ATP12A: variants seen among roughly 807,000 people sequenced by gnomAD.
ATP12A encodes the protein potassium-transporting ATPase alpha chain 2.
A neutral mutation model predicts 111.2 loss-of-function variants in ATP12A; 81 were observed. That is an observed-to-expected ratio of 0.73 (90% CI 0.61 to 0.88). ATP12A has a LOEUF of 0.88. Ranked by LOEUF, ATP12A falls within the 40% of genes least tolerant of loss-of-function variation. ATP12A has a pLI of 0.00. For synonymous variants in ATP12A, 498 were observed against 499.8 expected (o/e 1.00, Z 0.05); for missense variants, 1,196 against 1,313.1 (o/e 0.91, Z 1.38).
At chr13:24,682,781 T>C (rs1247441949) in intron 2 of ATP12A, among the ~76,000 whole-genome samples, 1 of 152,134 alleles carries the variant, frequency 6.6e-6, no homozygotes, top group East Asian at 1.9e-4. Context: ...GAGCTGAAAC[T>C]GGCAACAAAT....
At chr13:24,686,709 A>C (rs1376839539) in intron 3 of ATP12A, among the ~76,000 whole-genome samples, 1 of 152,180 alleles carries the variant, frequency 6.6e-6, no homozygotes, top group African/African-American at 2.4e-5. Flanking sequence ...ACTGCCCTCC[A>C]GCCTGGGCGA....
In ATP12A at chr13:24,711,659, G is replaced by A; in HGVS notation, c.*137G>A. On this transcript the variant is annotated 3_prime_UTR_variant, in exon 23 of 23. Coordinates refer to ENST00000381946, the MANE Select transcript of ATP12A (RefSeq NM_001676.7). ...AGAGGAAATTTTCATGCAGAAAGCT[G>A]TATGCAGGATGCTCACTGATGTTTT... 2 of 1,205,420 alleles carry A rather than the reference G, an allele frequency of 1.7e-6. No homozygotes were observed. Among genetic ancestry groups the A allele is most frequent in the African/African-American group, 1.5e-5 (1 of 66,216 alleles). The allele number at this position is 1,205,420 out of a possible 1,614,324, so 74.7% of individuals were successfully genotyped here. A position where few individuals can be genotyped will look rare whatever the true frequency, so the allele number is the denominator to read the frequency against.
At chr13:24,702,154 C>A in intron 14 of ATP12A, 83 bp downstream of exon 14, 1 of 1,547,256 alleles carries the variant, frequency 6.5e-7, no homozygotes, top group South Asian at 1.1e-5. Flanking sequence ...CTACTTGGAA[C>A]AAATCAGCTT....
Position 24,696,743 on chromosome 13 carries a change from A to AG in ATP12A, c.1513-1915_1513-1914insG, listed in dbSNP as rs1287932767. Among the ~76,000 whole-genome samples, 677 of 99,360 alleles carry AG rather than the reference A, an allele frequency of 6.8e-3. 135 individuals carry two copies. Among genetic ancestry groups the AG allele is most frequent in the Non-Finnish European group, 0.01 (527 of 50,236 alleles). 65.2% of individuals were successfully genotyped at this position (99,360 alleles called of 152,430 possible). On this transcript the variant is annotated intron_variant, in intron 11 of 22. Transcript: ENST00000381946. Reference sequence around the variant, plus strand: ...CAAAAAAAAAAAAAAAAAAAAAAAAAAAAGAAAGGGGAGAGGGGCTGTGTG... The same window carrying AG: ...CAAAAAAAAAAAAAAAAAAAAAAAAAGAAAGAAAGGGGAGAGGGGCTGTGTG...
intron 15 of ATP12A, among the ~76,000 whole-genome samples, 174 bp from the exon 16 acceptor site, chr13:24,706,849 C>G (rs1163422784): frequency 6.6e-6 from 1 of 152,208 alleles, no homozygotes; most frequent in Non-Finnish European, 1.5e-5. Flanking sequence ...TTTGGAGACC[C>G]TTGTTCCTGC....
chr13:24,680,562 G>C lies in ATP12A; in HGVS notation c.-182G>C. 1 of 594,804 alleles carries C rather than the reference G, an allele frequency of 1.7e-6. No individual in the cohort carries two copies. Among genetic ancestry groups the C allele is most frequent in the South Asian group, 2.6e-5 (1 of 38,578 alleles). The allele number at this position is 594,804 out of a possible 1,614,324, so 36.8% of individuals were successfully genotyped here. ...TTAAGGCTGGTGCCACCTCCCCGGT[G>C]CAGCGGCTGGCGATCGGCCGCGGAG... On this transcript the variant is annotated 5_prime_UTR_variant, in exon 1 of 23. Coordinates refer to ENST00000381946, the MANE Select transcript of ATP12A (RefSeq NM_001676.7).
intron 17 of ATP12A, 85 bp from the exon 18 acceptor site, chr13:24,709,279 G>GCCCCCCCCCCCCCC: frequency 1.2e-4 from 26 of 211,216 alleles, no homozygotes; most frequent in South Asian, 7.2e-4. Context: ...TCCAGCCAGT[G>GCCCCCCCCCCCCCC]CCCCACCCAC....
chr13:24,711,342 G>T lies in ATP12A; in HGVS notation c.3024G>T (p.Val1008=), dbSNP rs962245641. 1.2e-6 allele frequency: 2 copies of T among 1,605,448 alleles called. No individual in the cohort carries two copies. The highest frequency in any genetic ancestry group is 2.7e-5 in the African/African-American group (2 of 74,824). Residue 1008 remains valine (V), a synonymous_variant, in exon 22 of 23, where the codon GTG becomes GTT. Coordinates refer to ENST00000381946, the MANE Select transcript of ATP12A (RefSeq NM_001676.7). ...MLRAQYWFVA[V]PHAILIWVYD... ...GGGCTCAGTACTGGTTTGTGGCTGT[G>T]CCGCACGCCATCCTGATCTGGGTGT...
Position 24,709,808 on chromosome 13 carries a change from G to C in ATP12A, c.2743G>C (p.Asp915His). The C allele has an allele frequency of 6.2e-7, 1 of 1,614,242 alleles. No individual in the cohort carries two copies. The highest frequency in any genetic ancestry group is 8.5e-7 in the Non-Finnish European group (1 of 1,180,040). The part of the protein sequence containing the change: ...WEKDYVNDLK[D>H]SYGQEWTRYQ... ...GAAGGACTACGTGAATGACTTGAAA[G>C]ACAGCTATGGGCAGGAATGGGTGAG... The change falls in exon 19 of 23, where the codon GAC (aspartate) becomes CAC (histidine). Residue 915 changes from aspartate to histidine, a missense_variant. Physicochemically the swap from Asp to His is moderately conservative, Grantham distance 81. This residue lies in a region of ATP12A where 1,126 missense variants were observed against 1,228.5 expected (regional missense o/e 0.92). Coordinates refer to ENST00000381946, the MANE Select transcript of ATP12A (RefSeq NM_001676.7).
chr13:24,711,188 G>A (rs1200622825), intron 21 of ATP12A, 130 bp from the exon 22 acceptor site: 1 of 879,236 alleles, frequency 1.1e-6, no homozygotes, highest in African/African-American at 1.7e-5. Flanking sequence ...TTTATTTTGT[G>A]GGACCTCGTG....
At position 24,681,644 on chromosome 13, in the gene ATP12A, A is replaced by G. The variant is rs1874438333; in HGVS notation, c.92A>G (p.Tyr31Cys). Reference protein sequence around the residue: ...KTDKGDGKEKYRGLKNNCLEL... With the variant: ...KTDKGDGKEKCRGLKNNCLEL... The stretch of plus-strand genomic sequence containing the variant: ...GACAAGGGGGATGGCAAGGAGAAGT[A>G]TAGGGGTCTGAAGAACAACTGCCTG... Residue 31 changes from tyrosine to cysteine, a missense_variant, in exon 2 of 23, where the codon TAT becomes TGT. Around this residue, in one of 3 missense-constraint regions of ATP12A, gnomAD observed 67 missense variants for 64.0 expected, o/e 1.05. Transcript: ENST00000381946. The G allele has an allele frequency of 3.1e-6, 5 of 1,614,114 alleles. No homozygotes were observed. The African/African-American group carries it at 5.3e-5, about 17-fold the overall frequency.
chr13:24,709,279 G>GCCCCCCCC, intron 17 of ATP12A, 85 bp from the exon 18 acceptor site: 1 of 211,220 alleles, frequency 4.7e-6, no homozygotes, highest in Non-Finnish European at 9.1e-6. Context: ...TCCAGCCAGT[G>GCCCCCCCC]CCCCACCCAC....
At position 24,688,427 on chromosome 13, in the gene ATP12A, G is replaced by A. The variant is rs962636909; in HGVS notation, c.337G>A (p.Gly113Arg). Residue 113 changes from glycine to arginine, a missense_variant, in exon 4 of 23, where the codon GGG (glycine) becomes AGG (arginine). This residue lies in a region of ATP12A where 1,126 missense variants were observed against 1,228.5 expected (regional missense o/e 0.92). Coordinates refer to ENST00000381946, the MANE Select transcript of ATP12A (RefSeq NM_001676.7). ...EIVKFLKQMV[G>R]GFSILLWVGA... ...CGTCAAGTTCCTCAAGCAGATGGTG[G>A]GGGGGTTCTCTATCCTCCTGTGGGT... The A allele has an allele frequency of 1.2e-6, 2 of 1,613,990 alleles. No individual in the cohort carries two copies. Among genetic ancestry groups the A allele is most frequent in the Non-Finnish European group, 1.7e-6 (2 of 1,180,028 alleles).
In ATP12A at chr13:24,701,508, A is replaced by G. The variant is rs1875394056; in HGVS notation, c.1882-427A>G. ...AAGAGTGAAACTCTGTCTCAAAAAAAAAAAAAAAAAAAGAAAGAAAGAAAA... is the reference window on the plus strand; with the variant it reads ...AAGAGTGAAACTCTGTCTCAAAAAAGAAAAAAAAAAAAGAAAGAAAGAAAA... On this transcript the variant is annotated intron_variant, in intron 13 of 22. Coordinates refer to ENST00000381946, the MANE Select transcript of ATP12A (RefSeq NM_001676.7). 4.0e-5 allele frequency among the ~76,000 whole-genome samples: 6 copies of G among 151,586 alleles called. 1 individual carries two copies. In the South Asian group the frequency reaches 1.2e-3, roughly 31 times the overall value.
rs1874633769 is a variant in ATP12A at position 24,685,445 on chromosome 13, G to C, written c.228+72G>C. The C allele has an allele frequency of 3.3e-6, 5 of 1,512,294 alleles. No individual in the cohort carries two copies. The highest frequency in any genetic ancestry group is 1.4e-5 in the African/African-American group (1 of 72,884). The allele number at this position is 1,512,294 out of a possible 1,614,324, so 93.7% of individuals were successfully genotyped here. A position where few individuals can be genotyped will look rare whatever the true frequency, so the allele number is the denominator to read the frequency against. On this transcript the variant is annotated intron_variant, in intron 3 of 22. Transcript: ENST00000381946. The surrounding 1 kb of genome is among the most constrained non-coding windows in gnomAD (Gnocchi z 5.5). The stretch of plus-strand genomic sequence containing the variant: ...ACAGAGGGAAGGCTGTGTGTGGCGG[G>C]GGGCTGTGTGGAAGAGTAGCGGCAC...
intron 8 of ATP12A, among the ~76,000 whole-genome samples, chr13:24,691,865 GAGA>G (rs966993685): frequency 2.0e-5 from 3 of 152,346 alleles, no homozygotes; most frequent in South Asian, 4.1e-4. Flanking sequence ...CCAAAGAAAA[GAGA>G]AGAAGTTTTT....
chr13:24,690,617 C>T lies in ATP12A; in HGVS notation c.695C>T (p.Ser232Phe). The change falls in exon 7 of 23, where the codon TCT becomes TTT. Residue 232 changes from serine to phenylalanine, a missense_variant. Around this residue, in one of 3 missense-constraint regions of ATP12A, gnomAD observed 1,126 missense variants for 1,228.5 expected, o/e 0.92. Coordinates refer to ENST00000381946, the MANE Select transcript of ATP12A (RefSeq NM_001676.7). ...CATTTCTTCTAGGTGGATAACTCAT[C>T]TCTCACGGGGGAGTCTGAGCCCCAG... ...SSQGCRVDNS[S>F]LTGESEPQPR... 3 of 1,611,752 alleles carry T rather than the reference C, an allele frequency of 1.9e-6. No individual in the cohort carries two copies. The highest frequency in any genetic ancestry group is 2.5e-6 in the Non-Finnish European group (3 of 1,179,038).
Position 24,691,057 on chromosome 13 carries a change from T to C in ATP12A, c.875T>C (p.Val292Ala). ...CATATTGCCTCATTGGCCTCAGGAGTTGGAAATGAGAAGACGCCCATTGCC... is the reference window on the plus strand; with the variant it reads ...CATATTGCCTCATTGGCCTCAGGAGCTGGAAATGAGAAGACGCCCATTGCC... ...IGHIASLASG[V>A]GNEKTPIAIE... Residue 292 changes from valine to alanine, a missense_variant, in exon 8 of 23, where the codon GTT (valine) becomes GCT (alanine). This residue lies in a region of ATP12A where 1,126 missense variants were observed against 1,228.5 expected (regional missense o/e 0.92). Transcript: ENST00000381946. 6.2e-7 allele frequency: 1 copy of C among 1,613,930 alleles called. No individual in the cohort carries two copies. Among genetic ancestry groups the C allele is most frequent in the Non-Finnish European group, 8.5e-7 (1 of 1,179,966 alleles).
Position 24,712,311 on chromosome 13 carries a change from G to C in ATP12A, c.*789G>C, listed in dbSNP as rs1409423323. 1 of 152,162 alleles carries C rather than the reference G, an allele frequency of 6.6e-6. No individual in the cohort carries two copies. The highest frequency in any genetic ancestry group is 2.4e-5 in the African/African-American group (1 of 41,432). 9.4% of individuals were successfully genotyped at this position (152,162 alleles called of 1,614,324 possible). On this transcript the variant is annotated 3_prime_UTR_variant, in exon 23 of 23. Transcript: ENST00000381946. ...GTAGAGAGCTGTTATGGTTTCAATA[G>C]TCATATTTATTTCTTGTAAAACAGT...
Sources: allele counts gnomAD v4.1 joint callset (sites outside exome capture counted in the v4.1 genomes callset), GRCh38; gene constraint gnomAD v4.1.1; regional missense constraint gnomAD v4.1.1; non-coding constraint Gnocchi (gnomAD v3.1); transcripts MANE v1.5; gene names NCBI Gene and HGNC (gene_info 2026-07-23, HGNC 2026-07-21).